The following DNM2 variants were observed in gnomAD, a reference collection of about 807,000 sequenced individuals.
DNM2 encodes the protein dynamin-2.
Under a neutral mutation model 99.0 loss-of-function variants are expected in DNM2, and 15 were observed. That is an observed-to-expected ratio of 0.15 (90% CI 0.10 to 0.23). DNM2 has a LOEUF of 0.23. Ranked by LOEUF, DNM2 falls within the 10% of genes least tolerant of loss-of-function variation. The probability of loss-of-function intolerance (pLI) is 1.00; values close to 1 mark genes in which losing one functional copy is unlikely to be tolerated. For synonymous variants in DNM2, 525 were observed against 481.2 expected (o/e 1.09, Z -1.19); for missense variants, 742 against 1,189.4 (o/e 0.62, Z 5.53).
At chr19:10,802,474 G>T in intron 12 of DNM2, 116 bp downstream of exon 12, 1 of 1,205,518 alleles carries the variant, frequency 8.3e-7, no homozygotes, top group Non-Finnish European at 1.2e-6. Flanking sequence ...CTCTGTCGGG[G>T]GTCCTGGGGT....
At chr19:10,758,935 C>G (rs1025527863) in intron 1 of DNM2, among the ~76,000 whole-genome samples, 1 of 152,026 alleles carries the variant, frequency 6.6e-6, no homozygotes, top group Non-Finnish European at 1.5e-5. Flanking sequence ...GGTCTTTAGT[C>G]ATTTTACAGT....
At chr19:10,804,144 C>T (rs891915753) in intron 12 of DNM2, among the ~76,000 whole-genome samples, 1 of 152,142 alleles carries the variant, frequency 6.6e-6, no homozygotes, top group Non-Finnish European at 1.5e-5. Flanking sequence ...TCCCCCAAGA[C>T]ACCAGGATGC....
At chr19:10,748,476 T>G (rs2070074845) in intron 1 of DNM2, among the ~76,000 whole-genome samples, 1 of 152,132 alleles carries the variant, frequency 6.6e-6, no homozygotes, top group African/African-American at 2.4e-5. Flanking sequence ...GCGGACACTG[T>G]GTGGGCCGAG....
intron 19 of DNM2, 117 bp downstream of exon 19, chr19:10,829,385 G>C: frequency 1.5e-6 from 2 of 1,324,904 alleles, no homozygotes; most frequent in Admixed American, 3.9e-5. Context: ...GGCACCCAGG[G>C]CTGGGCACTG....
intron 5 of DNM2, among the ~76,000 whole-genome samples, chr19:10,777,740 G>A (rs964680252): frequency 6.6e-6 from 1 of 151,982 alleles, no homozygotes; most frequent in Non-Finnish European, 1.5e-5. Flanking sequence ...GATTACAAGT[G>A]GGCACCACCA....
intron 6 of DNM2, among the ~76,000 whole-genome samples, chr19:10,784,476 G>A (rs994831716): frequency 6.6e-6 from 1 of 152,206 alleles, no homozygotes; most frequent in Non-Finnish European, 1.5e-5. Flanking sequence ...CCTCCTGAGA[G>A]CCAGCAGTGA....
intron 1 of DNM2, among the ~76,000 whole-genome samples, chr19:10,728,944 CAAAA>C (rs34423244): frequency 6.6e-5 from 8 of 121,948 alleles, no homozygotes; most frequent in African/African-American, 2.4e-4. Flanking sequence ...GACCCGGTCT[CAAAA>C]AAAAAAAAAG....
intron 1 of DNM2, among the ~76,000 whole-genome samples, chr19:10,742,216 A>G (rs1207941016): frequency 6.6e-6 from 1 of 151,952 alleles, no homozygotes; most frequent in Non-Finnish European, 1.5e-5. Context: ...CAGGGTGGAT[A>G]CCCTGCAAGG....
intron 7 of DNM2, among the ~76,000 whole-genome samples, chr19:10,792,289 TTGG>T (rs1378358050): frequency 6.6e-6 from 1 of 152,176 alleles, no homozygotes; most frequent in Non-Finnish European, 1.5e-5. Flanking sequence ...CAGCCCAGCC[TTGG>T]TGGCCCTGAC....
intron 1 of DNM2, among the ~76,000 whole-genome samples, chr19:10,747,490 C>G (rs545883883): frequency 1.3e-5 from 2 of 152,288 alleles, no homozygotes; most frequent in South Asian, 4.1e-4. Flanking sequence ...GGGCGGGCCT[C>G]GAGCCGGGAG....
Position 10,830,243 on chromosome 19 carries a change from C to A in DNM2, c.2408C>A (p.Ser803Tyr). 6.2e-7 allele frequency: 1 copy of A among 1,614,010 alleles called. No individual in the cohort carries two copies. Among genetic ancestry groups the A allele is most frequent in the Non-Finnish European group, 8.5e-7 (1 of 1,179,920 alleles). ...LIPVPVGAAASFSAPPIPSRP... is the reference protein window; with the variant it reads ...LIPVPVGAAAYFSAPPIPSRP... ...CCTGTTCCCGTGGGGGCAGCAGCCT[C>A]CTTCTCGGCGCCCCCAATCCCATCC... Residue 803 changes from serine to tyrosine, a missense_variant, in exon 20 of 21, where the codon TCC (serine) becomes TAC (tyrosine). Transcript: ENST00000389253. This position sits in a 1 kb window ranked among gnomAD's most constrained non-coding sequence, Gnocchi z 4.8.
Position 10,783,073 on chromosome 19 carries a change from A to G in DNM2, c.802A>G (p.Met268Val), listed in dbSNP as rs1161013161. 6.2e-7 allele frequency: 1 copy of G among 1,613,714 alleles called. No homozygotes were observed. Among genetic ancestry groups the G allele is most frequent in the Non-Finnish European group, 8.5e-7 (1 of 1,180,056 alleles). ...CCTCTCCCACCCGGCCTACCGGCACATGGCCGACCGCATGGGCACGCCACA... is the reference window on the plus strand; with the variant it reads ...CCTCTCCCACCCGGCCTACCGGCACGTGGCCGACCGCATGGGCACGCCACA... ...FFLSHPAYRH[M>V]ADRMGTPHLQ... The change falls in exon 6 of 21, where the codon ATG becomes GTG. Residue 268 changes from methionine (M) to valine (V), a missense_variant. Physicochemically the swap from Met to Val is conservative, Grantham distance 21. Coordinates refer to ENST00000389253, the MANE Select transcript of DNM2 (RefSeq NM_001005361.3).
chr19:10,727,458 T>C (rs866126019), intron 1 of DNM2, among the ~76,000 whole-genome samples: 1 of 152,058 alleles, frequency 6.6e-6, no homozygotes. Flanking sequence ...CTCAACTTCC[T>C]GGGCTCAAGG....
chr19:10,783,618 C>T (rs559396645), intron 6 of DNM2, among the ~76,000 whole-genome samples: 2 of 151,972 alleles, frequency 1.3e-5, no homozygotes, highest in South Asian at 2.1e-4. Flanking sequence ...GTCATTTACC[C>T]AGAAGACTGT....
rs373161548 is a variant in DNM2, at chr19:10,831,026, C to T, written c.2592C>T (p.Ala864=). ...GCCGGCCCACCATTATCCGCCCAGCCGAGCCATCCCTGCTCGACTAGGCCT... is the reference window on the plus strand; with the variant it reads ...GCCGGCCCACCATTATCCGCCCAGCTGAGCCATCCCTGCTCGACTAGGCCT... The part of the protein sequence containing the change: ...APSRPTIIRP[A]EPSLLD The change falls in exon 21 of 21, where the codon GCC becomes GCT. Residue 864 remains alanine, a synonymous_variant. Coordinates refer to ENST00000389253, the MANE Select transcript of DNM2 (RefSeq NM_001005361.3). The surrounding 1 kb of genome is among the most constrained non-coding windows in gnomAD (Gnocchi z 4.3). The T allele has an allele frequency of 1.9e-4, 299 of 1,610,918 alleles. No individual in the cohort carries two copies. Among genetic ancestry groups the T allele is most frequent in the South Asian group, 2.8e-4 (25 of 90,314 alleles).
At chr19:10,785,534 G>T (rs907774231) in intron 6 of DNM2, among the ~76,000 whole-genome samples, 1 of 152,066 alleles carries the variant, frequency 6.6e-6, no homozygotes, top group African/African-American at 2.4e-5. Flanking sequence ...GTACTCAAGC[G>T]ATCCTTTTGC....
Position 10,784,453 on chromosome 19 carries a change from C to T in DNM2, c.849+1333C>T, listed in dbSNP as rs911687311. ...GGAGAGGAAGGGAAGTAAAACTCCG[C>T]AGCTGGCTGGGGCCTCCTGAGAGCC... On this transcript the variant is annotated intron_variant, in intron 6 of 20. Transcript: ENST00000389253. Among the ~76,000 whole-genome samples the T allele has an allele frequency of 2.0e-5, 3 of 152,190 alleles. No individual in the cohort carries two copies. In the East Asian group the frequency reaches 5.8e-4, roughly 29 times the overall value.
Position 10,795,519 on chromosome 19 carries a change from C to G in DNM2, c.1196+80C>G. The G allele has an allele frequency of 6.6e-7, 1 of 1,521,846 alleles. No individual in the cohort carries two copies. Among genetic ancestry groups the G allele is most frequent in the Non-Finnish European group, 9.1e-7 (1 of 1,098,400 alleles). 94.3% of individuals were successfully genotyped at this position (1,521,846 alleles called of 1,614,324 possible). ...CCAGCTAATTGGGTCACCCACACCT[C>G]TGAGTCCCTAATCGTTAGGCCTTAA... is the stretch of plus-strand genomic sequence containing the variant. On this transcript the variant is annotated intron_variant, in intron 9 of 20. Coordinates refer to ENST00000389253, the MANE Select transcript of DNM2 (RefSeq NM_001005361.3). This position sits in a 1 kb window ranked among gnomAD's most constrained non-coding sequence, Gnocchi z 4.2.
chr19:10,721,366 A>AG (rs2068934859), intron 1 of DNM2, among the ~76,000 whole-genome samples: 1 of 152,172 alleles, frequency 6.6e-6, no homozygotes, highest in South Asian at 2.1e-4. Context: ...CATGTTGGCC[A>AG]GGCTGGTCTT....
Sources: gnomAD v4.1 joint callset for allele counts (sites outside exome capture counted in the v4.1 genomes callset) on GRCh38, gnomAD v4.1.1 for gene constraint, Gnocchi (gnomAD v3.1) non-coding constraint, MANE v1.5 for transcripts, NCBI Gene and HGNC (gene_info 2026-07-23, HGNC 2026-07-21) for gene names.